Variants in PLCZ1 observed in about 807,000 individuals in gnomAD.
PLCZ1 encodes the protein phospholipase C zeta 1, also known as 1-phosphatidylinositol 4,5-bisphosphate phosphodiesterase zeta-1.
In PLCZ1, 64 loss-of-function variants were observed where a neutral mutation model predicts 76.8. That is an observed-to-expected ratio of 0.83 (90% CI 0.68 to 1.03). The LOEUF (loss-of-function observed/expected upper bound fraction) is 1.03, where lower values mean the gene tolerates loss of function less well. Among genes scored for constraint, PLCZ1 ranks in the 50% least tolerant of loss-of-function variants. The pLI, the probability that PLCZ1 is intolerant of heterozygous loss-of-function variation, is 0.00. For missense variants in PLCZ1, 751 were observed against 713.7 expected, an observed-to-expected ratio of 1.05 and a Z score of -0.60; for synonymous variants, 248 against 230.8, an observed-to-expected ratio of 1.07 and a Z score of -0.68.
the PLCZ1 span, among the ~76,000 whole-genome samples, chr12:18,654,314 T>C: frequency 1.5e-5 from 2 of 136,020 alleles, no homozygotes; most frequent in African/African-American, 5.5e-5. Context: ...AAAAAAAATC[T>C]ATCAGATAAG....
chr12:18,699,773 A>G, intron 10 of PLCZ1, 21 bp downstream of exon 10: 4 of 1,604,378 alleles, frequency 2.5e-6, no homozygotes, highest in South Asian at 2.2e-5. Flanking sequence ...CATTTCATCT[A>G]TTTGAGTCAC....
chr12:18,714,136 T>C (rs1338212816), intron 5 of PLCZ1, among the ~76,000 whole-genome samples: 1 of 152,160 alleles, frequency 6.6e-6, no homozygotes, highest in Non-Finnish European at 1.5e-5. Context: ...CTACCAAGAG[T>C]TCACTCAAAT....
intron 10 of PLCZ1, among the ~76,000 whole-genome samples, chr12:18,697,691 G>T (rs985045044): frequency 6.6e-6 from 1 of 152,012 alleles, no homozygotes; most frequent in Admixed American, 6.6e-5. Flanking sequence ...TTTTGTATGT[G>T]TATAATTTTT....
chr12:18,724,746 T>C (rs1958654433), intron 3 of PLCZ1, among the ~76,000 whole-genome samples: 1 of 152,156 alleles, frequency 6.6e-6, no homozygotes, highest in African/African-American at 2.4e-5. Flanking sequence ...TAATTTCATT[T>C]TAGCCTTATC....
At chr12:18,673,204 G>T in the PLCZ1 span, among the ~76,000 whole-genome samples, 1 of 151,850 alleles carries the variant, frequency 6.6e-6, no homozygotes, top group Non-Finnish European at 1.5e-5. Context: ...CCTCATAAAG[G>T]GTACAGGAAA....
the PLCZ1 span, among the ~76,000 whole-genome samples, chr12:18,665,131 C>T: frequency 6.6e-6 from 1 of 150,868 alleles, no homozygotes; most frequent in Non-Finnish European, 1.5e-5. Context: ...ACATTGTGCA[C>T]ATGTACCCTA....
At chr12:18,699,141 G>C (rs1337249786) in intron 10 of PLCZ1, among the ~76,000 whole-genome samples, 1 of 152,142 alleles carries the variant, frequency 6.6e-6, no homozygotes, top group African/African-American at 2.4e-5. Context: ...AGAGACAGAT[G>C]GCACCTCTAC....
At chr12:18,650,345 A>ATGTG in the PLCZ1 span, among the ~76,000 whole-genome samples, 22 of 127,730 alleles carry the variant, frequency 1.7e-4, no homozygotes, top group African/African-American at 7.2e-4. Context: ...ATATATATAT[A>ATGTG]TATGTGTGTG....
the PLCZ1 span, among the ~76,000 whole-genome samples, chr12:18,653,217 A>T: frequency 1.3e-5 from 2 of 152,162 alleles, no homozygotes; most frequent in Non-Finnish European, 2.9e-5. Context: ...TCAGGAGTTG[A>T]TTCCCAGAGG....
intron 2 of PLCZ1, chr12:18,736,602 A>G: frequency 1.0e-6 from 1 of 952,772 alleles, no homozygotes; most frequent in East Asian, 5.8e-5. Flanking sequence ...AATTGAAGTC[A>G]TTACTTAGAA....
the PLCZ1 span, among the ~76,000 whole-genome samples, chr12:18,649,803 C>T: frequency 2.6e-5 from 4 of 152,130 alleles, no homozygotes; most frequent in Admixed American, 1.3e-4. Context: ...GATATATTTT[C>T]TTCATTTGGC....
At chr12:18,693,061 A>G in intron 12 of PLCZ1, 3 of 1,487,442 alleles carry the variant, frequency 2.0e-6, no homozygotes, top group South Asian at 2.3e-5. Context: ...CAAGAAGGGA[A>G]AAGATCAAAA....
At chr12:18,712,705 C>A in intron 6 of PLCZ1, 137 bp downstream of exon 6, 1 of 1,048,736 alleles carries the variant, frequency 9.5e-7, no homozygotes, top group Non-Finnish European at 1.4e-6. Flanking sequence ...ACATGGATTT[C>A]ACTGCCTACT....
intron 5 of PLCZ1, 87 bp downstream of exon 5, chr12:18,719,344 A>G (rs765626389): frequency 5.7e-6 from 4 of 703,230 alleles, no homozygotes; most frequent in Non-Finnish European, 8.5e-6. Context: ...TCTTCTTTTT[A>G]TTGTGCACTC....
intron 3 of PLCZ1, chr12:18,735,975 C>A: frequency 2.7e-6 from 1 of 368,852 alleles, no homozygotes; most frequent in Admixed American, 4.4e-5. Flanking sequence ...GACATCCAAT[C>A]CTAGGTTTAA....
the PLCZ1 span, among the ~76,000 whole-genome samples, chr12:18,672,082 G>A: frequency 6.6e-6 from 1 of 152,044 alleles, no homozygotes; most frequent in African/African-American, 2.4e-5. Context: ...GAATTTTATG[G>A]GGACACAAAC....
chr12:18,701,446 T>G (rs987407839), intron 9 of PLCZ1, 55 bp downstream of exon 9: 1 of 1,608,794 alleles, frequency 6.2e-7, no homozygotes, highest in Non-Finnish European at 8.5e-7. Context: ...TCTCCAAGAA[T>G]AAAATTAGAA....
the PLCZ1 span, among the ~76,000 whole-genome samples, chr12:18,658,019 A>C: frequency 6.6e-6 from 1 of 152,252 alleles, no homozygotes; most frequent in South Asian, 2.1e-4. Context: ...TAACCAAAAA[A>C]AAATTCTGGA....
intron 6 of PLCZ1, among the ~76,000 whole-genome samples, chr12:18,707,102 A>T (rs1239939994): frequency 2.0e-5 from 3 of 152,180 alleles, no homozygotes; most frequent in African/African-American, 7.2e-5. Flanking sequence ...AGTCCTTATG[A>T]TGGTGTTCAG....
Sources: allele counts gnomAD v4.1 joint callset (sites outside exome capture counted in the v4.1 genomes callset), GRCh38; gene constraint gnomAD v4.1.1; transcripts MANE v1.5; gene names NCBI Gene and HGNC (gene_info 2026-07-23, HGNC 2026-07-21).